Variants in RAB11FIP4 observed in about 807,000 individuals in gnomAD.
The protein encoded by RAB11FIP4 is rab11 family-interacting protein 4.
Under a neutral mutation model 74.3 loss-of-function variants are expected in RAB11FIP4, and 23 were observed. The ratio of observed to expected loss-of-function variants is 0.31; its 90% CI spans 0.22 to 0.44. The LOEUF (loss-of-function observed/expected upper bound fraction) is 0.44. Ranked by LOEUF, RAB11FIP4 falls within the 20% of genes least tolerant of loss-of-function variation. The pLI is 1.00. For synonymous variants in RAB11FIP4, 360 were observed against 359.9 expected (o/e 1.00, Z 0.00); for missense variants, 630 against 863.9 (o/e 0.73, Z 3.39).
At chr17:31,435,449 C>T (rs542494253) in intron 3 of RAB11FIP4, among the ~76,000 whole-genome samples, 1 of 152,200 alleles carries the variant, frequency 6.6e-6, no homozygotes, top group African/African-American at 2.4e-5. Flanking sequence ...CTTCATCCTA[C>T]AGAGAAACAG....
chr17:31,528,981 A>G (rs1248615109), intron 13 of RAB11FIP4, among the ~76,000 whole-genome samples: 1 of 152,180 alleles, frequency 6.6e-6, no homozygotes, highest in Non-Finnish European at 1.5e-5. Context: ...ACGTCTATGT[A>G]AGGAAATAGA....
intron 13 of RAB11FIP4, 71 bp downstream of exon 13, chr17:31,528,849 A>T (rs969126470): frequency 6.6e-7 from 1 of 1,518,668 alleles, no homozygotes; most frequent in Non-Finnish European, 8.9e-7. Flanking sequence ...CCTGTGCAGG[A>T]TCTGTGGTAG....
intron 3 of RAB11FIP4, among the ~76,000 whole-genome samples, chr17:31,483,124 C>T (rs1219693866): frequency 1.6e-5 from 2 of 128,542 alleles, no homozygotes; most frequent in Non-Finnish European, 1.6e-5. Flanking sequence ...ACCCTGGAGG[C>T]GGAGTTTGCA....
At chr17:31,525,371 TC>T in intron 10 of RAB11FIP4, 141 bp downstream of exon 10, 1 of 761,644 alleles carries the variant, frequency 1.3e-6, no homozygotes, top group Non-Finnish European at 2.1e-6. Context: ...TAGTAACAGT[TC>T]CACTTTAATA....
Position 31,496,457 on chromosome 17 carries a change from C to T in RAB11FIP4, c.337-21194C>T, listed in dbSNP as rs189298163. On this transcript the variant is annotated intron_variant, in intron 3 of 14. Coordinates refer to ENST00000621161, the MANE Select transcript of RAB11FIP4 (RefSeq NM_032932.6). ...GGGCTGGGAGTGGGTCACTGGCCTTCCCAAGGGAGCAGAGGGAAACTGGTG... is the reference window on the plus strand; with the variant it reads ...GGGCTGGGAGTGGGTCACTGGCCTTTCCAAGGGAGCAGAGGGAAACTGGTG... Among the ~76,000 whole-genome samples, 58 of 152,336 alleles carry T rather than the reference C, an allele frequency of 3.8e-4. No homozygotes were observed. The East Asian group carries it at 0.011, about 28-fold the overall frequency.
At chr17:31,432,030 G>A (rs1355120989) in intron 2 of RAB11FIP4, 130 bp downstream of exon 2, 13 of 686,552 alleles carry the variant, frequency 1.9e-5, no homozygotes, top group South Asian at 1.3e-4. Flanking sequence ...GCCAGAAGTC[G>A]GTTCTGCCTC....
chr17:31,413,265 G>T (rs2071115559), intron 1 of RAB11FIP4, among the ~76,000 whole-genome samples: 1 of 152,020 alleles, frequency 6.6e-6, no homozygotes, highest in Non-Finnish European at 1.5e-5. Flanking sequence ...ACTCCTGCAG[G>T]CCAGCACCCC....
chr17:31,433,293 G>T (rs2071326917), intron 2 of RAB11FIP4, among the ~76,000 whole-genome samples: 2 of 152,210 alleles, frequency 1.3e-5, no homozygotes, highest in African/African-American at 4.8e-5. Flanking sequence ...TTTCCTGTCT[G>T]CGGCTCAGAT....
intron 3 of RAB11FIP4, among the ~76,000 whole-genome samples, chr17:31,443,604 C>G (rs1046097190): frequency 7.2e-6 from 1 of 139,464 alleles, no homozygotes; most frequent in African/African-American, 2.8e-5. Context: ...CACGCAGTCC[C>G]CTGATGGCAA....
intron 3 of RAB11FIP4, among the ~76,000 whole-genome samples, chr17:31,502,811 A>G (rs1181728414): frequency 2.0e-5 from 3 of 152,110 alleles, no homozygotes; most frequent in African/African-American, 4.8e-5. Context: ...TTTTATCACA[A>G]TTCTGGAGGC....
Position 31,449,613 on chromosome 17 carries a change from C to G in RAB11FIP4, c.336+15491C>G, listed in dbSNP as rs1391534224. Among the ~76,000 whole-genome samples the G allele has an allele frequency of 2.6e-5, 4 of 151,868 alleles. No individual in the cohort carries two copies. The East Asian group carries it at 7.7e-4, about 29-fold the overall frequency. On this transcript the variant is annotated intron_variant, in intron 3 of 14. Transcript: ENST00000621161. The stretch of plus-strand genomic sequence containing the variant: ...CTGGAGTGCAGTGGTGCAGTCCTGA[C>G]TCACTGCAGCCTCCAACACCTGGGT...
intron 1 of RAB11FIP4, among the ~76,000 whole-genome samples, chr17:31,409,797 G>A (rs1274400231): frequency 2.0e-5 from 3 of 152,180 alleles, no homozygotes; most frequent in Middle Eastern, 3.2e-3. Context: ...GACTGGGTGA[G>A]TAAACAAATA....
chr17:31,413,037 A>C (rs560487765), intron 1 of RAB11FIP4, among the ~76,000 whole-genome samples: 2 of 152,250 alleles, frequency 1.3e-5, no homozygotes, highest in East Asian at 3.9e-4. Context: ...GAGCCACTGT[A>C]TTTTGCTTTG....
At chr17:31,501,677 C>T (rs8074486) in intron 3 of RAB11FIP4, 24,504 of 154,532 alleles carry the variant, frequency 0.16, 2,166 homozygotes, top group South Asian at 0.29. Context: ...TACAGGCGCC[C>T]GCCACCACGC....
chr17:31,424,193 C>T (rs1013268644), intron 1 of RAB11FIP4, among the ~76,000 whole-genome samples: 1 of 152,202 alleles, frequency 6.6e-6, no homozygotes, highest in Non-Finnish European at 1.5e-5. Context: ...TTGTTTTCCT[C>T]CCCAATTCAC....
At position 31,512,943 on chromosome 17, in the gene RAB11FIP4, A is replaced by G. The variant is rs1167394259; in HGVS notation, c.337-4708A>G. Among the ~76,000 whole-genome samples the G allele has an allele frequency of 2.0e-5, 3 of 151,994 alleles. No individual in the cohort carries two copies. The highest frequency in any genetic ancestry group is 7.3e-5 in the African/African-American group (3 of 41,376). ...CAGACCTTACTTGCTGACCCCGGCC[A>G]CCTAGAAACATGAGCTCTGGGGAGG... On this transcript the variant is annotated intron_variant, in intron 3 of 14. Coordinates refer to ENST00000621161, the MANE Select transcript of RAB11FIP4 (RefSeq NM_032932.6). The surrounding 1 kb of genome is among the most constrained non-coding windows in gnomAD (Gnocchi z 4.1).
chr17:31,530,608 G>C, intron 14 of RAB11FIP4, 139 bp downstream of exon 14: 1 of 1,159,648 alleles, frequency 8.6e-7, no homozygotes, highest in Non-Finnish European at 1.2e-6. Flanking sequence ...ACATGACAGG[G>C]CAAGGCTGTG....
rs376615994 is a variant in RAB11FIP4, at chr17:31,419,349, T to C, written c.160-12464T>C. On this transcript the variant is annotated intron_variant, in intron 1 of 14. Transcript: ENST00000621161. ...TTGCCACTTGATTTCTCTGCATCTT[T>C]TGATAGGTTTTTCTTCTTTGGTCAT... 6.6e-5 allele frequency among the ~76,000 whole-genome samples: 10 copies of C among 151,964 alleles called. No individual in the cohort carries two copies. In the East Asian group the frequency reaches 1.3e-3, roughly 20 times the overall value.
At chr17:31,529,094 CT>C (rs10701171) in intron 13 of RAB11FIP4, among the ~76,000 whole-genome samples, 124 of 133,592 alleles carry the variant, frequency 9.3e-4, no homozygotes, top group South Asian at 3.5e-3. Flanking sequence ...CCCAAGGTTC[CT>C]TTTTTTTTTT....
Sources: gnomAD v4.1 joint callset for allele counts (sites outside exome capture counted in the v4.1 genomes callset) on GRCh38, gnomAD v4.1.1 for gene constraint, Gnocchi (gnomAD v3.1) non-coding constraint, MANE v1.5 for transcripts, NCBI Gene and HGNC (gene_info 2026-07-23, HGNC 2026-07-21) for gene names.